The following PCDHA3 variants were observed in gnomAD, a reference collection of about 807,000 sequenced individuals.
The protein encoded by PCDHA3 is protocadherin alpha 3.
A neutral mutation model predicts 62.2 loss-of-function variants in PCDHA3; 41 were observed. The observed-to-expected ratio is 0.66, with a 90% CI of 0.51 to 0.86. The LOEUF (loss-of-function observed/expected upper bound fraction) is 0.86. Ranked by LOEUF, PCDHA3 falls within the 40% of genes least tolerant of loss-of-function variation. PCDHA3 has a pLI of 0.00. For synonymous variants in PCDHA3, 640 were observed against 555.4 expected (o/e 1.15, Z -2.14); for missense variants, 1,304 against 1,241.2 (o/e 1.05, Z -0.76).
intron 1 of PCDHA3, chr5:140,805,123 G>T (rs1554123272): frequency 6.3e-7 from 1 of 1,584,214 alleles, no homozygotes; most frequent in Admixed American, 1.7e-5. Flanking sequence ...AAGACTCTTG[G>T]CAAAGACATT....
At chr5:140,969,908 T>C (rs1586401643) in intron 1 of PCDHA3, among the ~76,000 whole-genome samples, 4 of 152,184 alleles carry the variant, frequency 2.6e-5, no homozygotes, top group Non-Finnish European at 4.4e-5. Context: ...ATGTCACAAG[T>C]GATAAAGCTG....
At chr5:140,847,029 A>T (rs1780820329) in intron 1 of PCDHA3, among the ~76,000 whole-genome samples, 1 of 149,824 alleles carries the variant, frequency 6.7e-6, no homozygotes, top group African/African-American at 2.4e-5. Context: ...TTGGAAAGAG[A>T]AAACATAAGG....
At chr5:140,850,321 A>G (rs2150479492) in intron 1 of PCDHA3, 1 of 1,597,400 alleles carries the variant, frequency 6.3e-7, no homozygotes, top group Admixed American at 1.7e-5. Context: ...TGGCTTTCAT[A>G]CGAGCTGCAG....
chr5:140,956,678 A>C (rs1442214825), intron 1 of PCDHA3, among the ~76,000 whole-genome samples: 2 of 152,104 alleles, frequency 1.3e-5, no homozygotes, highest in Non-Finnish European at 2.9e-5. Context: ...GTTAGGGAGG[A>C]GTACCTCCTT....
chr5:140,865,392 A>G (rs1554159412), intron 1 of PCDHA3: 1 of 152,244 alleles, frequency 6.6e-6, no homozygotes, highest in Non-Finnish European at 1.5e-5. Context: ...TAAAGTTAAT[A>G]TAAATGCTGA....
At chr5:140,972,797 G>A (rs1563419152) in intron 1 of PCDHA3, among the ~76,000 whole-genome samples, 3 of 151,664 alleles carry the variant, frequency 2.0e-5, no homozygotes, top group Admixed American at 2.0e-4. Flanking sequence ...CTGAGTAGCT[G>A]AGATTACAGG....
chr5:140,870,595 T>C, intron 1 of PCDHA3: 3 of 1,613,242 alleles, frequency 1.9e-6, no homozygotes, highest in Non-Finnish European at 2.5e-6. Flanking sequence ...GGAGCGGCGG[T>C]TGGGCGACCG....
intron 1 of PCDHA3, chr5:140,882,745 T>A (rs782756975): frequency 4.3e-6 from 7 of 1,614,124 alleles, no homozygotes; most frequent in African/African-American, 1.3e-5. Flanking sequence ...GCGCATCCGA[T>A]GCAGATATTG....
At chr5:140,949,231 C>G (rs971361200) in intron 1 of PCDHA3, among the ~76,000 whole-genome samples, 11 of 151,628 alleles carry the variant, frequency 7.3e-5, no homozygotes, top group African/African-American at 2.4e-4. Flanking sequence ...TGTTCTGTGG[C>G]CCAGCAACAG....
At chr5:140,978,799 A>C (rs2096824173) in intron 1 of PCDHA3, 150 bp from the exon 2 acceptor site, 2 of 1,479,066 alleles carry the variant, frequency 1.4e-6, no homozygotes, top group East Asian at 4.9e-5. Flanking sequence ...ATATATGTAG[A>C]TATCATCATA....
At chr5:140,848,041 T>C (rs1245564819) in intron 1 of PCDHA3, 2 of 159,606 alleles carry the variant, frequency 1.3e-5, no homozygotes, top group Admixed American at 5.9e-5. Context: ...CTCAATGGAA[T>C]CATTTTAATT....
intron 1 of PCDHA3, chr5:140,871,297 G>A (rs781824958): frequency 5.6e-6 from 9 of 1,613,778 alleles, no homozygotes; most frequent in African/African-American, 5.3e-5. Context: ...GGGCGCGTGC[G>A]CGCCGGGGAA....
At chr5:140,942,422 G>C (rs1445298712) in intron 1 of PCDHA3, among the ~76,000 whole-genome samples, 3 of 150,866 alleles carry the variant, frequency 2.0e-5, no homozygotes, top group Non-Finnish European at 4.4e-5. Context: ...AAAAAAAAAA[G>C]ATATCTAACA....
At chr5:140,830,288 A>G in intron 1 of PCDHA3, 1 of 1,613,696 alleles carries the variant, frequency 6.2e-7, no homozygotes, top group East Asian at 2.2e-5. Flanking sequence ...GGGCGCGTGC[A>G]CGGCGGACAA....
chr5:140,820,216 G>C (rs1246951912), intron 1 of PCDHA3, among the ~76,000 whole-genome samples: 2 of 151,856 alleles, frequency 1.3e-5, no homozygotes, highest in African/African-American at 2.4e-5. Flanking sequence ...AAATATTAGT[G>C]AAAAGTCATG....
In PCDHA3 at chr5:140,847,161, T is replaced by C. The variant is rs962983160; in HGVS notation, c.2394+43570T>C. The stretch of plus-strand genomic sequence containing the variant: ...GTAAGAAGATCTCTTGATTTCTGAG[T>C]AATAAACTAAAGGGCCATGAGTGAT... On this transcript the variant is annotated intron_variant, in intron 1 of 3. Transcript: ENST00000522353. Among the ~76,000 whole-genome samples, 8 of 149,570 alleles carry C rather than the reference T, an allele frequency of 5.3e-5. 1 individual carries two copies. The highest frequency in any genetic ancestry group is 7.5e-5 in the Non-Finnish European group (5 of 66,894).
At chr5:140,810,596 T>C (rs1298565134) in intron 1 of PCDHA3, 1 of 152,236 alleles carries the variant, frequency 6.6e-6, no homozygotes, top group Non-Finnish European at 1.5e-5. Context: ...TATTTTATTT[T>C]GGCAATTTTT....
chr5:140,948,492 A>C (rs915795889), intron 1 of PCDHA3, among the ~76,000 whole-genome samples: 1 of 151,594 alleles, frequency 6.6e-6, no homozygotes, highest in Non-Finnish European at 1.5e-5. Flanking sequence ...AATTTCTTTC[A>C]TAGACTTTCT....
At chr5:140,990,821 G>T (rs890499969) in intron 3 of PCDHA3, among the ~76,000 whole-genome samples, 1 of 152,172 alleles carries the variant, frequency 6.6e-6, no homozygotes, top group East Asian at 1.9e-4. Flanking sequence ...CCTTCTCTCA[G>T]CTAAAGCCTA....
Sources: allele counts gnomAD v4.1 joint callset (sites outside exome capture counted in the v4.1 genomes callset), GRCh38; gene constraint gnomAD v4.1.1; transcripts MANE v1.5; gene names NCBI Gene and HGNC (gene_info 2026-07-23, HGNC 2026-07-21).